Variants in RHEX observed in about 807,000 individuals in gnomAD.
RHEX encodes the protein regulator of hemoglobinization and erythroid cell expansion, also known as regulator of hemoglobinization and erythroid cell expansion protein.
In RHEX, 18 loss-of-function variants were observed where a neutral mutation model predicts 20.1. The observed-to-expected ratio is 0.90, with a 90% CI of 0.62 to 1.33. RHEX has a LOEUF of 1.33. Among genes scored for constraint, RHEX ranks in the 40% most tolerant of loss-of-function variants. RHEX has a pLI of 0.00. For synonymous variants in RHEX, 87 were observed against 77.1 expected (o/e 1.13, Z -0.67); for missense variants, 192 against 214.3 (o/e 0.90, Z 0.65).
In RHEX at chr1:206,067,439, G is replaced by A. The variant is rs1232450669; in HGVS notation, c.-97+14174G>A. ...AGACATTAATGGGTGTAGGGATAGAGAGATTAAATGAGACCTATGATCACA... is the reference window on the plus strand; with the variant it reads ...AGACATTAATGGGTGTAGGGATAGAAAGATTAAATGAGACCTATGATCACA... On this transcript the variant is annotated intron_variant, in intron 1 of 5. Transcript: ENST00000331555. This position sits in a 1 kb window ranked among gnomAD's most constrained non-coding sequence, Gnocchi z 4.6. 1.3e-5 allele frequency among the ~76,000 whole-genome samples: 2 copies of A among 152,222 alleles called. No individual in the cohort carries two copies. The highest frequency in any genetic ancestry group is 4.8e-5 in the African/African-American group (2 of 41,450).
chr1:206,101,602 C>T (rs1663188058), intron 5 of RHEX, 150 bp from the exon 6 acceptor site: 1 of 646,684 alleles, frequency 1.5e-6, no homozygotes, highest in Middle Eastern at 4.1e-4. Flanking sequence ...CCTCATTGCC[C>T]TGGACTGCTC....
intron 2 of RHEX, 54 bp downstream of exon 2, chr1:206,097,893 A>G: frequency 7.3e-7 from 1 of 1,374,498 alleles, no homozygotes. Flanking sequence ...TAACTGGTGT[A>G]GCTGTCTTCC....
Position 206,097,834 on chromosome 1 carries a change from G to A in RHEX, c.6G>A (p.Leu2=). M[L]TEVMEVWHGL... Reference sequence around the variant, plus strand: ...TTATCAGCAAGGAGCTCATCATGCTGACAGAGTGAGTGGGCCCAACAAGAG... The same window carrying A: ...TTATCAGCAAGGAGCTCATCATGCTAACAGAGTGAGTGGGCCCAACAAGAG... Residue 2 remains leucine (L), a synonymous_variant, in exon 2 of 6, where the codon CTG becomes CTA. Transcript: ENST00000331555. The A allele has an allele frequency of 6.2e-7, 1 of 1,609,644 alleles. No homozygotes were observed. The highest frequency in any genetic ancestry group is 8.5e-7 in the Non-Finnish European group (1 of 1,175,888).
chr1:206,085,409 CAG>C (rs1341749375), intron 1 of RHEX, among the ~76,000 whole-genome samples: 1 of 152,144 alleles, frequency 6.6e-6, no homozygotes, highest in African/African-American at 2.4e-5. Flanking sequence ...ATCGATGAAA[CAG>C]AATAATTTGA....
At chr1:206,066,430 A>G (rs144401935) in intron 1 of RHEX, among the ~76,000 whole-genome samples, 353 of 152,340 alleles carry the variant, frequency 2.3e-3, no homozygotes, top group Middle Eastern at 6.8e-3. Flanking sequence ...CAGCCTGACC[A>G]ACATGGTGAA....
chr1:206,068,755 A>G (rs1553284400), intron 1 of RHEX, among the ~76,000 whole-genome samples: 3 of 152,250 alleles, frequency 2.0e-5, no homozygotes, highest in Non-Finnish European at 2.9e-5. Flanking sequence ...TCTTTATTTC[A>G]GCACTTCTCA....
At position 206,101,162 on chromosome 1, in the gene RHEX, T is replaced by C; in HGVS notation, c.283T>C (p.Leu95=). Residue 95 remains leucine (L), a synonymous_variant, in exon 5 of 6, where the codon TTG becomes CTG. Transcript: ENST00000331555. ...TGACAGCGACACACCCTCAGATAGC[T>C]TGGATAGCTCCTGCAGTTCGCCTCC... The part of the protein sequence containing the change: ...RHDSDTPSDS[L]DSSCSSPPAC... 6.2e-7 allele frequency: 1 copy of C among 1,613,218 alleles called. No individual in the cohort carries two copies. The highest frequency in any genetic ancestry group is 1.1e-5 in the South Asian group (1 of 90,890).
intron 1 of RHEX, among the ~76,000 whole-genome samples, chr1:206,070,581 T>A (rs1662506903): frequency 1.3e-5 from 2 of 152,214 alleles, no homozygotes; most frequent in Admixed American, 1.3e-4. Context: ...TCACTTGCTC[T>A]CTTAATGTTT....
At chr1:206,058,458 G>T (rs1662241885) in intron 1 of RHEX, among the ~76,000 whole-genome samples, 1 of 144,506 alleles carries the variant, frequency 6.9e-6, no homozygotes, top group Admixed American at 6.7e-5. Context: ...CTCTCATATT[G>T]TTTTATATTG....
intron 1 of RHEX, chr1:206,060,550 G>C (rs1300840423): frequency 2.0e-5 from 3 of 152,606 alleles, no homozygotes; most frequent in African/African-American, 7.2e-5. Context: ...ATGGAGGCTA[G>C]AGCTGAAAAG....
At chr1:206,069,321 A>G (rs1451444811) in intron 1 of RHEX, among the ~76,000 whole-genome samples, 2 of 152,222 alleles carry the variant, frequency 1.3e-5, no homozygotes, top group African/African-American at 4.8e-5. Flanking sequence ...CCAAATGTCC[A>G]TAACACTGCT....
chr1:206,095,171 G>A lies in RHEX; in HGVS notation c.-96-2562G>A, dbSNP rs146783464. Among the ~76,000 whole-genome samples, 30 of 152,046 alleles carry A rather than the reference G, an allele frequency of 2.0e-4. No homozygotes were observed. The East Asian group carries it at 5.0e-3, about 25-fold the overall frequency. On this transcript the variant is annotated intron_variant, in intron 1 of 5. Coordinates refer to ENST00000331555, the MANE Select transcript of RHEX (RefSeq NM_001007544.4). ...AATGGTAGGAATTCGAAATGATACC[G>A]TAAAACTCAAAGGTGGCAAACTCAA...
In RHEX at chr1:206,060,386, C is replaced by T. The variant is rs1157877416; in HGVS notation, c.-97+7121C>T. ...ATCTCCTTCGTATTACTTTCCTCTC[C>T]TTCCCCTTATGCAGAGAACATCACC... is the stretch of plus-strand genomic sequence containing the variant. On this transcript the variant is annotated intron_variant, in intron 1 of 5. Transcript: ENST00000331555. The T allele has an allele frequency of 3.3e-5, 5 of 152,216 alleles. No homozygotes were observed. The East Asian group carries it at 9.6e-4, about 29-fold the overall frequency. The allele number at this position is 152,216 out of a possible 1,614,324, so 9.4% of individuals were successfully genotyped here. A position where few individuals can be genotyped will look rare whatever the true frequency, so the allele number is the denominator to read the frequency against.
intron 1 of RHEX, among the ~76,000 whole-genome samples, chr1:206,086,036 C>G (rs1456510687): frequency 2.6e-5 from 4 of 152,144 alleles, no homozygotes; most frequent in Non-Finnish European, 4.4e-5. Context: ...GTCCTTTTCC[C>G]CATGATATTT....
At chr1:206,065,824 G>T (rs1368559493) in intron 1 of RHEX, among the ~76,000 whole-genome samples, 1 of 152,248 alleles carries the variant, frequency 6.6e-6, no homozygotes, top group Admixed American at 6.5e-5. Context: ...TGGTCTTGGT[G>T]ATAGGGTGGG....
At chr1:206,101,043 G>A in intron 4 of RHEX, 93 bp from the exon 5 acceptor site, 1 of 1,004,530 alleles carries the variant, frequency 1.0e-6, no homozygotes, top group Non-Finnish European at 1.5e-6. Flanking sequence ...GTCTTTATCT[G>A]ATAATAAGAC....
chr1:206,060,447 C>G (rs1213369767), intron 1 of RHEX: 1 of 152,278 alleles, frequency 6.6e-6, no homozygotes, highest in East Asian at 1.9e-4. Context: ...CAGGACTCAG[C>G]AGGTGGGTGA....
rs1553288519 is a variant in RHEX at position 206,101,990 on chromosome 1, A to G, written c.*38A>G. 11 of 1,476,350 alleles carry G rather than the reference A, an allele frequency of 7.5e-6. No individual in the cohort carries two copies. The South Asian group carries it at 1.3e-4, about 17-fold the overall frequency. 91.5% of individuals were successfully genotyped at this position (1,476,350 alleles called of 1,614,324 possible). Reference sequence around the variant, plus strand: ...TTTAATGGGGTCCAGTTCTCTATGGATTCTTACATTTAATTTGTAGGGAAA... The same window carrying G: ...TTTAATGGGGTCCAGTTCTCTATGGGTTCTTACATTTAATTTGTAGGGAAA... On this transcript the variant is annotated 3_prime_UTR_variant, in exon 6 of 6. Coordinates refer to ENST00000331555, the MANE Select transcript of RHEX (RefSeq NM_001007544.4).
intron 1 of RHEX, among the ~76,000 whole-genome samples, chr1:206,055,659 A>G (rs1553282515): frequency 6.6e-6 from 1 of 152,288 alleles, no homozygotes; most frequent in East Asian, 1.9e-4. Context: ...AAAAATGTAG[A>G]TTAGATAAAC....
Sources: gnomAD v4.1 joint callset for allele counts (sites outside exome capture counted in the v4.1 genomes callset) on GRCh38, gnomAD v4.1.1 for gene constraint, Gnocchi (gnomAD v3.1) non-coding constraint, MANE v1.5 for transcripts, NCBI Gene and HGNC (gene_info 2026-07-23, HGNC 2026-07-21) for gene names.